The following TOX2 variants were observed in gnomAD, a reference collection of about 807,000 sequenced individuals.
TOX2 encodes the protein TOX high mobility group box family member 2, also known as granulosa cell HMG box 1.
Under a neutral mutation model 47.4 loss-of-function variants are expected in TOX2, and 15 were observed. The observed-to-expected ratio is 0.32, with a 90% confidence interval of 0.21 to 0.49. The LOEUF is 0.49. Ranked by LOEUF, TOX2 falls within the 20% of genes least tolerant of loss-of-function variation. The pLI is 0.99. For synonymous variants in TOX2, 290 were observed against 296.6 expected (o/e 0.98, Z 0.23); for missense variants, 622 against 673.1 (o/e 0.92, Z 0.84).
chr20:44,039,489 C>T (rs560326598), intron 3 of TOX2, among the ~76,000 whole-genome samples: 1 of 152,212 alleles, frequency 6.6e-6, no homozygotes, highest in Non-Finnish European at 1.5e-5. Context: ...CTCAGGAGGC[C>T]ATGCTGGAGG....
chr20:44,058,000 G>GAGCAGTTTTA (rs1242729615), intron 5 of TOX2, among the ~76,000 whole-genome samples: 378 of 146,230 alleles, frequency 2.6e-3, no homozygotes, highest in African/African-American at 8.8e-3. Context: ...ATGGCAGGAA[G>GAGCAGTTTTA]GAGGCAGGAC....
chr20:43,920,806 G>A (rs573014697), intron 1 of TOX2, among the ~76,000 whole-genome samples: 1 of 152,190 alleles, frequency 6.6e-6, no homozygotes, highest in African/African-American at 2.4e-5. Flanking sequence ...TGAAATAAAG[G>A]CTGGGAATGT....
chr20:43,931,605 C>T (rs1254543050), intron 1 of TOX2, among the ~76,000 whole-genome samples: 1 of 152,176 alleles, frequency 6.6e-6, no homozygotes, highest in Non-Finnish European at 1.5e-5. Context: ...GAGGCCATGT[C>T]TGGGTGCTTG....
At chr20:44,022,866 C>T (rs2070997376) in intron 3 of TOX2, among the ~76,000 whole-genome samples, 1 of 152,130 alleles carries the variant, frequency 6.6e-6, no homozygotes, top group Non-Finnish European at 1.5e-5. Flanking sequence ...CAAGCAGGTC[C>T]TCAGTGTGTT....
intron 3 of TOX2, among the ~76,000 whole-genome samples, chr20:44,015,489 T>G (rs771300784): frequency 6.6e-6 from 1 of 152,224 alleles, no homozygotes; most frequent in Non-Finnish European, 1.5e-5. Context: ...ATGTTTCCCA[T>G]TTTCTCATTC....
At chr20:43,929,445 C>T (rs2069223402) in intron 1 of TOX2, among the ~76,000 whole-genome samples, 1 of 152,198 alleles carries the variant, frequency 6.6e-6, no homozygotes, top group African/African-American at 2.4e-5. Flanking sequence ...AGTCAGTCCC[C>T]CTCAGTGACT....
At chr20:43,978,767 G>C (rs908350715) in intron 2 of TOX2, among the ~76,000 whole-genome samples, 2 of 126,312 alleles carry the variant, frequency 1.6e-5, no homozygotes, top group Non-Finnish European at 3.2e-5. Context: ...AAGAACTTGT[G>C]TGTGTGTGTG....
rs763121202 is a variant in TOX2 at position 44,064,766 on chromosome 20, G to C, written c.880-11G>C. ...TTCTCCCCAGTGTTGCTCATGTGTT[G>C]ACTCTTCCAGGCCTACAAGAGGAAG... On this transcript the variant is annotated splice_polypyrimidine_tract_variant and intron_variant, in intron 5 of 8. Transcript: ENST00000341197. 1.2e-6 allele frequency: 2 copies of C among 1,613,762 alleles called. No individual in the cohort carries two copies. The highest frequency in any genetic ancestry group is 3.3e-5 in the Admixed American group (2 of 60,018).
At chr20:44,058,686 T>C (rs181734839) in intron 5 of TOX2, among the ~76,000 whole-genome samples, 2 of 152,180 alleles carry the variant, frequency 1.3e-5, no homozygotes, top group Non-Finnish European at 2.9e-5. Context: ...TTGATATCCA[T>C]GGAGGAGAGA....
intron 3 of TOX2, among the ~76,000 whole-genome samples, chr20:44,048,388 T>TATATATATATATATATATA (rs1555845974): frequency 9.2e-5 from 8 of 86,848 alleles, no homozygotes; most frequent in African/African-American, 2.7e-4. Flanking sequence ...TAAAATGAAT[T>TATATATATATATATATATA]TATATATATA....
At chr20:44,045,809 C>T (rs1479561362) in intron 3 of TOX2, among the ~76,000 whole-genome samples, 6 of 152,240 alleles carry the variant, frequency 3.9e-5, no homozygotes, top group Non-Finnish European at 7.4e-5. Flanking sequence ...ATTAAATCAC[C>T]AAGTCAGGAA....
intron 3 of TOX2, among the ~76,000 whole-genome samples, chr20:44,011,346 G>T (rs2070775037): frequency 6.6e-6 from 1 of 152,198 alleles, no homozygotes; most frequent in Non-Finnish European, 1.5e-5. Flanking sequence ...TCTACAAGAT[G>T]CCCTTGAGGG....
chr20:43,935,024 T>C (rs2069306730), intron 1 of TOX2, among the ~76,000 whole-genome samples: 1 of 152,162 alleles, frequency 6.6e-6, no homozygotes, highest in Non-Finnish European at 1.5e-5. Context: ...GCTGGGTGTC[T>C]GGCCACTGTG....
intron 1 of TOX2, among the ~76,000 whole-genome samples, chr20:43,943,460 C>A (rs540858701): frequency 3.3e-5 from 5 of 152,260 alleles, no homozygotes; most frequent in Admixed American, 3.3e-4. Flanking sequence ...TTGACTGACA[C>A]CTTTTTCATG....
chr20:43,980,874 T>C (rs1480738883), intron 2 of TOX2, among the ~76,000 whole-genome samples: 2 of 152,218 alleles, frequency 1.3e-5, no homozygotes, highest in African/African-American at 4.8e-5. Context: ...AATCAACATA[T>C]GACTTTTGTA....
chr20:43,936,342 A>G (rs2069327272), intron 1 of TOX2, among the ~76,000 whole-genome samples: 1 of 152,250 alleles, frequency 6.6e-6, no homozygotes, highest in Non-Finnish European at 1.5e-5. Flanking sequence ...ATCAGCGCAA[A>G]TGCTCTTATA....
Position 43,965,712 on chromosome 20 carries a change from C to T in TOX2, c.100-7655C>T, listed in dbSNP as rs533656186. ...ACAAAGGCACTGCCTGGTCTCATTT[C>T]GCCTCAGCACATTTGAATGAGATCT... On this transcript the variant is annotated intron_variant, in intron 1 of 8. Transcript: ENST00000341197. 3.8e-4 allele frequency among the ~76,000 whole-genome samples: 58 copies of T among 152,282 alleles called. No individual in the cohort carries two copies. In the South Asian group the frequency reaches 0.012, roughly 32 times the overall value.
intron 3 of TOX2, among the ~76,000 whole-genome samples, chr20:44,029,571 G>A (rs1233038485): frequency 6.6e-6 from 1 of 152,128 alleles, no homozygotes; most frequent in Non-Finnish European, 1.5e-5. Context: ...AGAACCACTT[G>A]ACCCCCAAAA....
At chr20:44,060,417 A>G (rs1333702024) in intron 5 of TOX2, among the ~76,000 whole-genome samples, 1 of 152,228 alleles carries the variant, frequency 6.6e-6, no homozygotes, top group Non-Finnish European at 1.5e-5. Flanking sequence ...ACAGATATTT[A>G]TAGAACATTC....
Sources: allele counts gnomAD v4.1 joint callset (sites outside exome capture counted in the v4.1 genomes callset), GRCh38; gene constraint gnomAD v4.1.1; transcripts MANE v1.5; gene names NCBI Gene and HGNC (gene_info 2026-07-23, HGNC 2026-07-21).